FAM168A: variants seen among roughly 807,000 people sequenced by gnomAD.
The protein encoded by FAM168A is protein FAM168A.
A neutral mutation model predicts 28.5 loss-of-function variants in FAM168A; 3 were observed. The ratio of observed to expected loss-of-function variants is 0.11; its 90% confidence interval spans 0.05 to 0.27. The LOEUF is 0.27. FAM168A is among the 10% of genes least tolerant of loss of function. The probability of loss-of-function intolerance (pLI) is 1.00; values close to 1 mark genes in which losing one functional copy is unlikely to be tolerated. For missense variants in FAM168A, 222 were observed against 311.5 expected (o/e 0.71, Z 2.16); for synonymous variants, 122 against 124.2 (o/e 0.98, Z 0.12).
At chr11:73,457,105 G>A (rs916056985) in intron 2 of FAM168A, among the ~76,000 whole-genome samples, 6 of 152,170 alleles carry the variant, frequency 3.9e-5, no homozygotes, top group Non-Finnish European at 8.8e-5. Flanking sequence ...GAAACAGAAA[G>A]AGCCAAGTAC....
At chr11:73,514,513 T>C (rs1943273191) in intron 1 of FAM168A, among the ~76,000 whole-genome samples, 1 of 152,210 alleles carries the variant, frequency 6.6e-6, no homozygotes, top group South Asian at 2.1e-4. Flanking sequence ...GACTTCTGTC[T>C]GTACAACACT....
chr11:73,418,732 T>C (rs930549151), intron 4 of FAM168A, among the ~76,000 whole-genome samples: 8 of 152,084 alleles, frequency 5.3e-5, no homozygotes, highest in Admixed American at 3.9e-4. Flanking sequence ...CCAAAGTCAG[T>C]CATTCCTCTA....
chr11:73,498,695 G>A (rs746399562), intron 1 of FAM168A, among the ~76,000 whole-genome samples: 1 of 152,206 alleles, frequency 6.6e-6, no homozygotes, highest in Non-Finnish European at 1.5e-5. Context: ...CCGGGAGGCT[G>A]AATGGCTTGG....
At chr11:73,570,712 T>TG (rs1286181245) in intron 1 of FAM168A, among the ~76,000 whole-genome samples, 4 of 147,474 alleles carry the variant, frequency 2.7e-5, no homozygotes, top group Non-Finnish European at 5.9e-5. Context: ...CCAGCCTGGG[T>TG]GACAGAGTGA....
intron 4 of FAM168A, among the ~76,000 whole-genome samples, chr11:73,419,523 G>A (rs1866755782): frequency 6.6e-6 from 1 of 152,062 alleles, no homozygotes; most frequent in Admixed American, 6.6e-5. Context: ...AAGAAGCCCT[G>A]TGCTAGAGGG....
At chr11:73,449,636 G>A (rs946234358) in intron 2 of FAM168A, among the ~76,000 whole-genome samples, 10 of 152,170 alleles carry the variant, frequency 6.6e-5, no homozygotes, top group East Asian at 1.9e-4. Context: ...ACACTAAGGC[G>A]GGAAGAGGGT....
intron 1 of FAM168A, among the ~76,000 whole-genome samples, chr11:73,588,735 C>T (rs936419572): frequency 7.9e-5 from 12 of 152,074 alleles, no homozygotes; most frequent in Non-Finnish European, 1.6e-4. Flanking sequence ...GAACTGCCTC[C>T]CCTCAAAATT....
chr11:73,544,914 ATT>A (rs1491401541), intron 1 of FAM168A, among the ~76,000 whole-genome samples: 1 of 93,360 alleles, frequency 1.1e-5, no homozygotes, highest in East Asian at 2.2e-4. Flanking sequence ...TATAATATAT[ATT>A]ATATATAATA....
chr11:73,560,917 C>G (rs1433762480), intron 1 of FAM168A, among the ~76,000 whole-genome samples: 1 of 151,886 alleles, frequency 6.6e-6, no homozygotes, highest in African/African-American at 2.4e-5. Flanking sequence ...AAAAATTAGC[C>G]AGGCATGGTG....
At chr11:73,512,011 A>T (rs568374628) in intron 1 of FAM168A, among the ~76,000 whole-genome samples, 2 of 152,330 alleles carry the variant, frequency 1.3e-5, no homozygotes, top group Admixed American at 6.5e-5. Context: ...AACAGCTTGC[A>T]AACAGGGGAA....
chr11:73,424,087 G>C (rs1866842746), intron 3 of FAM168A, among the ~76,000 whole-genome samples: 2 of 152,168 alleles, frequency 1.3e-5, no homozygotes. Context: ...AGCATTTAAA[G>C]GGACCTCAGA....
At chr11:73,419,843 G>T (rs757824663) in intron 4 of FAM168A, 31 bp downstream of exon 4, 3 of 1,611,774 alleles carry the variant, frequency 1.9e-6, no homozygotes, top group Non-Finnish European at 2.5e-6. Flanking sequence ...CCAACCAAGG[G>T]GAACAAGGAA....
At chr11:73,587,224 C>T (rs1944325239) in intron 1 of FAM168A, among the ~76,000 whole-genome samples, 1 of 150,242 alleles carries the variant, frequency 6.7e-6, no homozygotes, top group South Asian at 2.1e-4. Context: ...GACGCAATGG[C>T]TCACACCTGT....
At chr11:73,442,555 A>C (rs1052800063) in intron 2 of FAM168A, among the ~76,000 whole-genome samples, 1 of 152,026 alleles carries the variant, frequency 6.6e-6, no homozygotes, top group African/African-American at 2.4e-5. Context: ...GTTATTTAGG[A>C]ATGTGTCATT....
At position 73,400,751 on chromosome 11, in the gene FAM168A, G is replaced by A. The variant is rs537893698; in HGVS notation, c.*6012C>T. Reference sequence around the variant, plus strand: ...TCACTGGCCCAGGACAGTCCTCTGTGCCTCCCTCCCCAAGAACCACTCAGT... The same window carrying A: ...TCACTGGCCCAGGACAGTCCTCTGTACCTCCCTCCCCAAGAACCACTCAGT... On this transcript the variant is annotated 3_prime_UTR_variant, in exon 8 of 8. Transcript: ENST00000356467. The A allele has an allele frequency of 6.6e-6, 1 of 152,192 alleles. No homozygotes were observed. Among genetic ancestry groups the A allele is most frequent in the South Asian group, 2.1e-4 (1 of 4,824 alleles). 9.4% of individuals were successfully genotyped at this position (152,192 alleles called of 1,614,324 possible).
chr11:73,593,935 T>C (rs1372576382), intron 1 of FAM168A, among the ~76,000 whole-genome samples: 1 of 152,212 alleles, frequency 6.6e-6, no homozygotes, highest in Non-Finnish European at 1.5e-5. Flanking sequence ...TTGTCTATCT[T>C]TCCCATGACA....
At chr11:73,524,191 T>A (rs909004517) in intron 1 of FAM168A, among the ~76,000 whole-genome samples, 2 of 152,166 alleles carry the variant, frequency 1.3e-5, no homozygotes, top group Non-Finnish European at 2.9e-5. Flanking sequence ...CTCTGGAAGC[T>A]TTTATATTCT....
intron 2 of FAM168A, among the ~76,000 whole-genome samples, chr11:73,467,740 C>T (rs2134575056): frequency 6.6e-6 from 1 of 152,318 alleles, no homozygotes; most frequent in South Asian, 2.1e-4. Flanking sequence ...GTTGCTGGAA[C>T]ACTCTGAACT....
rs1223825634 is a variant in FAM168A at position 73,401,094 on chromosome 11, T to TATTATC, written c.*5668_*5669insGATAAT. On this transcript the variant is annotated 3_prime_UTR_variant, in exon 8 of 8. Coordinates refer to ENST00000356467, the MANE Select transcript of FAM168A (RefSeq NM_015159.3). ...CTGGTCAAAGGTTTATTATTATTATTATTATTATTATTATTATTTTAAATT... is the reference window on the plus strand; with the variant it reads ...CTGGTCAAAGGTTTATTATTATTATTATTATCATTATTATTATTATTATTTTAAATT... 5 of 148,800 alleles carry TATTATC rather than the reference T, an allele frequency of 3.4e-5. No homozygotes were observed. The highest frequency in any genetic ancestry group is 1.2e-4 in the African/African-American group (5 of 40,868). The allele number at this position is 148,800 out of a possible 1,614,324, so 9.2% of individuals were successfully genotyped here.
Sources: allele counts gnomAD v4.1 joint callset (sites outside exome capture counted in the v4.1 genomes callset), GRCh38; gene constraint gnomAD v4.1.1; transcripts MANE v1.5; gene names NCBI Gene and HGNC (gene_info 2026-07-23, HGNC 2026-07-21).